Variants in CECR2 observed in about 807,000 individuals in gnomAD.
CECR2 encodes the protein CECR2 histone acetyl-lysine reader.
A neutral mutation model predicts 154.5 loss-of-function variants in CECR2; 30 were observed. The observed-to-expected ratio is 0.19, with a 90% CI of 0.15 to 0.26. The LOEUF (loss-of-function observed/expected upper bound fraction) is 0.26. Ranked by LOEUF, CECR2 falls within the 10% of genes least tolerant of loss-of-function variation. The pLI is 1.00. For synonymous variants in CECR2, 725 were observed against 683.7 expected, an observed-to-expected ratio of 1.06 and a Z score of -0.94; for missense variants, 1,743 against 1,829.3, an observed-to-expected ratio of 0.95 and a Z score of 0.86.
chr22:17,394,514 C>G (rs2053779478), intron 1 of CECR2, among the ~76,000 whole-genome samples: 1 of 152,048 alleles, frequency 6.6e-6, no homozygotes, highest in African/African-American at 2.4e-5. Context: ...GTTCTTAGTT[C>G]TGTTCCATTG....
At chr22:17,530,455 C>T (rs886492628) in intron 9 of CECR2, among the ~76,000 whole-genome samples, 2 of 151,940 alleles carry the variant, frequency 1.3e-5, no homozygotes, top group African/African-American at 4.8e-5. Flanking sequence ...AGGCAGATCA[C>T]GAGGTCAGGA....
At chr22:17,537,811 G>A (rs546007999) in intron 10 of CECR2, among the ~76,000 whole-genome samples, 1 of 152,178 alleles carries the variant, frequency 6.6e-6, no homozygotes, top group East Asian at 1.9e-4. Flanking sequence ...TGGCCAATAT[G>A]GTGAAACCCC....
rs564585792 is a variant in CECR2, at chr22:17,445,096, A to G, written c.127-32492A>G. ...TTGAATACTATAGTACATATTCACA[A>G]TTTGGATTTGTTAGACTATTCATAT... On this transcript the variant is annotated intron_variant, in intron 1 of 18. Coordinates refer to ENST00000262608, the MANE Select transcript of CECR2 (RefSeq NM_001290047.2). Among the ~76,000 whole-genome samples, 8 of 152,276 alleles carry G rather than the reference A, an allele frequency of 5.3e-5. No individual in the cohort carries two copies. The South Asian group carries it at 1.7e-3, about 32-fold the overall frequency.
At chr22:17,482,866 A>T (rs943483896) in intron 2 of CECR2, among the ~76,000 whole-genome samples, 1 of 150,358 alleles carries the variant, frequency 6.7e-6, no homozygotes, top group African/African-American at 2.5e-5. Flanking sequence ...TATTTTTAGT[A>T]GAGACGGAGT....
intron 1 of CECR2, among the ~76,000 whole-genome samples, chr22:17,423,386 A>G (rs560757126): frequency 9.9e-4 from 151 of 152,262 alleles, no homozygotes; most frequent in South Asian, 5.0e-3. Context: ...ACACGCCTAT[A>G]GTCCCAGCTA....
chr22:17,454,490 A>C (rs1284386621), intron 1 of CECR2, among the ~76,000 whole-genome samples: 1 of 152,048 alleles, frequency 6.6e-6, no homozygotes, highest in Non-Finnish European at 1.5e-5. Context: ...CTGTAGTCCC[A>C]GCTACTCGGA....
At chr22:17,410,662 G>T (rs779604468) in intron 1 of CECR2, among the ~76,000 whole-genome samples, 52 of 152,194 alleles carry the variant, frequency 3.4e-4, no homozygotes, top group Non-Finnish European at 5.7e-4. Flanking sequence ...TGGCCAGGCT[G>T]GTCTCGAACT....
rs1297063552 is a variant in CECR2, at chr22:17,521,179, C to A, written c.955-2939C>A. On this transcript the variant is annotated intron_variant, in intron 8 of 18. Coordinates refer to ENST00000262608, the MANE Select transcript of CECR2 (RefSeq NM_001290047.2). ...CTCATTGTGGTTTTGATTTGCATTTCTCTGATGACCAGTGATGATGAGCAT... is the reference window on the plus strand; with the variant it reads ...CTCATTGTGGTTTTGATTTGCATTTATCTGATGACCAGTGATGATGAGCAT... Among the ~76,000 whole-genome samples the A allele has an allele frequency of 2.0e-5, 3 of 152,286 alleles. No homozygotes were observed. The South Asian group carries it at 6.2e-4, about 32-fold the overall frequency.
At chr22:17,543,071 T>G in intron 16 of CECR2, 68 bp downstream of exon 16, 1 of 1,462,368 alleles carries the variant, frequency 6.8e-7, no homozygotes, top group Non-Finnish European at 9.2e-7. Flanking sequence ...ACACAGCATA[T>G]CAAACCAAGT....
chr22:17,530,067 G>A (rs368188470), intron 9 of CECR2, among the ~76,000 whole-genome samples: 66 of 152,078 alleles, frequency 4.3e-4, no homozygotes, highest in African/African-American at 1.3e-3. Context: ...ATTTCATAAT[G>A]ATGTGAAGAT....
intron 1 of CECR2, among the ~76,000 whole-genome samples, chr22:17,412,422 CTT>C (rs1569064884): frequency 6.6e-6 from 1 of 152,200 alleles, no homozygotes; most frequent in African/African-American, 2.4e-5. Context: ...CTCTTCACTA[CTT>C]TGTGTGCCCA....
chr22:17,461,849 A>G (rs564197716), intron 1 of CECR2, among the ~76,000 whole-genome samples: 42 of 150,960 alleles, frequency 2.8e-4, no homozygotes, highest in Non-Finnish European at 4.9e-4. Flanking sequence ...CTGGAGTGCA[A>G]TGGCACAACC....
At chr22:17,398,974 A>T (rs1284170338) in intron 1 of CECR2, among the ~76,000 whole-genome samples, 1 of 152,208 alleles carries the variant, frequency 6.6e-6, no homozygotes, top group African/African-American at 2.4e-5. Context: ...TCAGACCAGC[A>T]TGGTGAGCAC....
intron 1 of CECR2, among the ~76,000 whole-genome samples, chr22:17,440,340 C>G (rs775518361): frequency 6.6e-6 from 1 of 152,136 alleles, no homozygotes; most frequent in Non-Finnish European, 1.5e-5. Flanking sequence ...AGCTCCCACT[C>G]GATGTTGTAA....
chr22:17,548,653 T>G lies in CECR2; in HGVS notation c.3366T>G (p.Pro1122=). 1 of 1,613,170 alleles carries G rather than the reference T, an allele frequency of 6.2e-7. No individual in the cohort carries two copies. The highest frequency in any genetic ancestry group is 8.5e-7 in the Non-Finnish European group (1 of 1,179,616). ...GCCAGTTTCCCCCGCTGTATATGCC[T>G]GGCCTAGAGTACCCGAATTCAGCTG... ...TVSQFPPLYM[P]GLEYPNSAAH... is the part of the protein sequence containing the mutation. Residue 1122 remains proline (P), a synonymous_variant, in exon 17 of 19, where the codon CCT becomes CCG. Coordinates refer to ENST00000262608, the MANE Select transcript of CECR2 (RefSeq NM_001290047.2).
chr22:17,379,581 G>GGTGTGT (rs60634016), intron 1 of CECR2, among the ~76,000 whole-genome samples: 8,202 of 137,802 alleles, frequency 0.06, 261 homozygotes, highest in South Asian at 0.074. Context: ...CTACGTTGAA[G>GGTGTGT]GTGTGTGTGT....
chr22:17,536,492 G>A (rs1320844305), intron 9 of CECR2, among the ~76,000 whole-genome samples: 1 of 152,202 alleles, frequency 6.6e-6, no homozygotes, highest in Non-Finnish European at 1.5e-5. Context: ...CCAGCTCCTT[G>A]CCAATCCCAG....
In CECR2 at chr22:17,539,049, C is replaced by G; in HGVS notation, c.1425C>G (p.Thr475=). The part of the protein sequence containing the change: ...EKKLNGGLYC[T]KEEFVNDMKT... ...AACTGAATGGAGGTTTATACTGTACCAAGGAGGAATTTGTAAATGACATGA... is the reference window on the plus strand; with the variant it reads ...AACTGAATGGAGGTTTATACTGTACGAAGGAGGAATTTGTAAATGACATGA... The change falls in exon 13 of 19, where the codon ACC becomes ACG. Residue 475 remains threonine (T), a synonymous_variant. Transcript: ENST00000262608. 2 of 1,613,690 alleles carry G rather than the reference C, an allele frequency of 1.2e-6. No homozygotes were observed. Among genetic ancestry groups the G allele is most frequent in the Non-Finnish European group, 8.5e-7 (1 of 1,179,730 alleles).
At chr22:17,469,859 C>T (rs895848867) in intron 1 of CECR2, among the ~76,000 whole-genome samples, 4 of 152,222 alleles carry the variant, frequency 2.6e-5, no homozygotes, top group Non-Finnish European at 5.9e-5. Flanking sequence ...CTCATAGCAG[C>T]ATGCCTCTGC....
Sources: gnomAD v4.1 joint callset for allele counts (sites outside exome capture counted in the v4.1 genomes callset) on GRCh38, gnomAD v4.1.1 for gene constraint, MANE v1.5 for transcripts, NCBI Gene and HGNC (gene_info 2026-07-23, HGNC 2026-07-21) for gene names.